Variants in PLXDC2 observed in about 807,000 individuals in gnomAD.
PLXDC2 encodes plexin domain containing 2.
In PLXDC2, 40 loss-of-function variants were observed where a neutral mutation model predicts 68.9. The ratio of observed to expected loss-of-function variants is 0.58; its 90% confidence interval spans 0.45 to 0.76. The LOEUF (loss-of-function observed/expected upper bound fraction) is 0.76, where lower values mean the gene tolerates loss of function less well. PLXDC2 is among the 30% of genes least tolerant of loss of function. The pLI is 0.00. For synonymous variants in PLXDC2, 243 were observed against 234.2 expected (o/e 1.04, Z -0.34); for missense variants, 644 against 661.9 (o/e 0.97, Z 0.30).
intron 6 of PLXDC2, among the ~76,000 whole-genome samples, chr10:20,162,075 G>GAGA (rs1432031675): frequency 5.0e-5 from 3 of 59,636 alleles, no homozygotes; most frequent in Admixed American, 1.8e-4. Flanking sequence ...AGAGAGAGAA[G>GAGA]GAAGGAAGGA....
intron 2 of PLXDC2, among the ~76,000 whole-genome samples, chr10:20,039,015 A>C (rs1354747364): frequency 6.6e-6 from 1 of 152,172 alleles, no homozygotes; most frequent in African/African-American, 2.4e-5. Context: ...GAAAGGCCAC[A>C]CTGAAATGAA....
At chr10:20,194,125 A>AAT (rs1489131633) in intron 9 of PLXDC2, among the ~76,000 whole-genome samples, 2 of 150,896 alleles carry the variant, frequency 1.3e-5, no homozygotes, top group Non-Finnish European at 2.9e-5. Context: ...GGCACTACTA[A>AAT]ATATATATAT....
chr10:19,926,206 TGA>T (rs1453524089), intron 1 of PLXDC2, among the ~76,000 whole-genome samples: 2 of 152,214 alleles, frequency 1.3e-5, no homozygotes, highest in Non-Finnish European at 2.9e-5. Context: ...TATGAATCTG[TGA>T]CTTTCTATCA....
chr10:19,947,969 A>T (rs533240500), intron 1 of PLXDC2, among the ~76,000 whole-genome samples: 2 of 152,142 alleles, frequency 1.3e-5, no homozygotes, highest in African/African-American at 4.8e-5. Context: ...GGGTCCAATA[A>T]GATATTTTAT....
chr10:20,137,987 A>C (rs76350236), intron 4 of PLXDC2, among the ~76,000 whole-genome samples: 5,573 of 152,310 alleles, frequency 0.037, 126 homozygotes, highest in South Asian at 0.067. Flanking sequence ...CTGCCAGGAA[A>C]GGCTCAGTCC....
intron 9 of PLXDC2, among the ~76,000 whole-genome samples, chr10:20,194,182 G>C (rs964116641): frequency 1.4e-4 from 19 of 136,862 alleles, no homozygotes; most frequent in African/African-American, 5.2e-4. Context: ...GAGACGAATT[G>C]AACTCAGCTG....
In PLXDC2 at chr10:20,280,069, G is replaced by A. The variant is rs777478728; in HGVS notation, c.*250G>A. On this transcript the variant is annotated 3_prime_UTR_variant, in exon 14 of 14. Coordinates refer to ENST00000377252, the MANE Select transcript of PLXDC2 (RefSeq NM_032812.9). Reference sequence around the variant, plus strand: ...GTGGAATGTCATCTATAGTTCACTCGGAACATCTCCCGTGGACTTATCTGA... The same window carrying A: ...GTGGAATGTCATCTATAGTTCACTCAGAACATCTCCCGTGGACTTATCTGA... 13 of 415,084 alleles carry A rather than the reference G, an allele frequency of 3.1e-5. No homozygotes were observed. The highest frequency in any genetic ancestry group is 1.6e-4 in the South Asian group (3 of 19,324). The allele number at this position is 415,084 out of a possible 1,614,324, so 25.7% of individuals were successfully genotyped here.
chr10:19,949,576 G>C (rs186824564), intron 1 of PLXDC2, among the ~76,000 whole-genome samples: 29 of 152,246 alleles, frequency 1.9e-4, no homozygotes, highest in Admixed American at 2.0e-4. Flanking sequence ...AATGGTGCTT[G>C]GTAAATGCAG....
chr10:20,119,184 G>A (rs560570527), intron 4 of PLXDC2, among the ~76,000 whole-genome samples: 1 of 152,256 alleles, frequency 6.6e-6, no homozygotes, highest in South Asian at 2.1e-4. Flanking sequence ...AAAGGGTGAT[G>A]CATTCTGAAG....
chr10:20,137,962 G>C (rs1382699555), intron 4 of PLXDC2, among the ~76,000 whole-genome samples: 1 of 152,152 alleles, frequency 6.6e-6, no homozygotes, highest in African/African-American at 2.4e-5. Context: ...GTTGGTACTT[G>C]CCTCACTCCC....
Position 20,082,064 on chromosome 10 carries a change from C to CAAAAAAAAAAAAAAAAAA in PLXDC2, c.541+13837_541+13838insAAAAAAAAAAAAAAAAAA, listed in dbSNP as rs1252447303. ...CCATCTGAAAAAAAAAAAAAAAAATCAAAAAAAAAAAACAGGAGAAGTCTG... is the reference window on the plus strand; with the variant it reads ...CCATCTGAAAAAAAAAAAAAAAAATCAAAAAAAAAAAAAAAAAAAAAAAAAAAAAACAGGAGAAGTCTG... On this transcript the variant is annotated intron_variant, in intron 4 of 13. Transcript: ENST00000377252. 1.7e-4 allele frequency among the ~76,000 whole-genome samples: 12 copies of CAAAAAAAAAAAAAAAAAA among 70,134 alleles called. 5 individuals carry two copies. Among genetic ancestry groups the CAAAAAAAAAAAAAAAAAA allele is most frequent in the African/African-American group, 4.6e-4 (8 of 17,478 alleles). 46.0% of individuals were successfully genotyped at this position (70,134 alleles called of 152,430 possible).
At chr10:19,941,519 A>G (rs1833817875) in intron 1 of PLXDC2, among the ~76,000 whole-genome samples, 1 of 152,236 alleles carries the variant, frequency 6.6e-6, no homozygotes, top group South Asian at 2.1e-4. Context: ...AGTCACTTGC[A>G]GGAACCAGCA....
intron 1 of PLXDC2, among the ~76,000 whole-genome samples, chr10:19,883,254 G>T (rs1285280962): frequency 6.6e-6 from 1 of 151,488 alleles, no homozygotes; most frequent in Non-Finnish European, 1.5e-5. Context: ...GAGCCACCCC[G>T]CCTGGCCACT....
Position 20,169,950 on chromosome 10 carries a change from G to A in PLXDC2, c.883+5383G>A, listed in dbSNP as rs117735152. On this transcript the variant is annotated intron_variant, in intron 7 of 13. Coordinates refer to ENST00000377252, the MANE Select transcript of PLXDC2 (RefSeq NM_032812.9). The stretch of plus-strand genomic sequence containing the variant: ...TACTTTCTTAACATCAGGCCTCTTC[G>A]TATCAGTATCTACTGTTTTAAATTT... 2.9e-3 allele frequency among the ~76,000 whole-genome samples: 443 copies of A among 152,104 alleles called. 6 individuals are homozygous for A. In the East Asian group the frequency reaches 0.041, roughly 14 times the overall value.
intron 11 of PLXDC2, among the ~76,000 whole-genome samples, chr10:20,218,472 A>G (rs1835168752): frequency 1.3e-5 from 2 of 152,280 alleles, no homozygotes; most frequent in East Asian, 1.9e-4. Flanking sequence ...GGATTATTAT[A>G]TTAAAGTCCA....
At chr10:20,083,105 A>T (rs1400234674) in intron 4 of PLXDC2, among the ~76,000 whole-genome samples, 1 of 152,146 alleles carries the variant, frequency 6.6e-6, no homozygotes, top group African/African-American at 2.4e-5. Context: ...GTAACCCCCT[A>T]AGAGACTTGA....
At chr10:20,127,412 T>C (rs1833808000) in intron 4 of PLXDC2, among the ~76,000 whole-genome samples, 1 of 152,212 alleles carries the variant, frequency 6.6e-6, no homozygotes, top group Non-Finnish European at 1.5e-5. Flanking sequence ...TTCAAAATTG[T>C]ACAATAAAAT....
chr10:20,093,920 C>T (rs776595692), intron 4 of PLXDC2, among the ~76,000 whole-genome samples: 131 of 151,898 alleles, frequency 8.6e-4, no homozygotes, highest in Non-Finnish European at 1.7e-3. Flanking sequence ...GGCGATCTGC[C>T]GGACTTGGCT....
intron 9 of PLXDC2, among the ~76,000 whole-genome samples, chr10:20,197,503 A>G (rs1431248957): frequency 1.3e-5 from 2 of 151,502 alleles, no homozygotes; most frequent in Non-Finnish European, 2.9e-5. Flanking sequence ...GACTACAGGC[A>G]TGTGCTACCA....
Sources: gnomAD v4.1 joint callset for allele counts (sites outside exome capture counted in the v4.1 genomes callset) on GRCh38, gnomAD v4.1.1 for gene constraint, MANE v1.5 for transcripts, NCBI Gene and HGNC (gene_info 2026-07-23, HGNC 2026-07-21) for gene names.